The following RTN3 variants were observed in gnomAD, a reference collection of about 807,000 sequenced individuals.
The protein encoded by RTN3 is reticulon-3.
A neutral mutation model predicts 77.8 loss-of-function variants in RTN3; 49 were observed. The observed-to-expected ratio is 0.63, with a 90% confidence interval of 0.50 to 0.80. The LOEUF (loss-of-function observed/expected upper bound fraction) is 0.80, where lower values mean the gene tolerates loss of function less well. Ranked by LOEUF, RTN3 falls within the 30% of genes least tolerant of loss-of-function variation. The probability of loss-of-function intolerance (pLI) is 0.00; values close to 1 mark genes in which losing one functional copy is unlikely to be tolerated. For synonymous variants in RTN3, 464 were observed against 446.9 expected (o/e 1.04, Z -0.48); for missense variants, 1,236 against 1,211.9 (o/e 1.02, Z -0.29).
intron 3 of RTN3, among the ~76,000 whole-genome samples, chr11:63,747,966 G>A (rs2013891783): frequency 6.6e-6 from 1 of 151,994 alleles, no homozygotes; most frequent in Non-Finnish European, 1.5e-5. Context: ...GTGGCTGGGA[G>A]GAAAGTCCTC....
intron 3 of RTN3, among the ~76,000 whole-genome samples, chr11:63,746,615 C>T (rs1393856820): frequency 6.6e-6 from 1 of 151,854 alleles, no homozygotes; most frequent in Non-Finnish European, 1.5e-5. Flanking sequence ...CCCAGGTCCA[C>T]GCCATTCTCC....
At chr11:63,721,574 C>CA (rs768609092) in intron 3 of RTN3, among the ~76,000 whole-genome samples, 937 of 55,152 alleles carry the variant, frequency 0.017, 5 homozygotes, top group African/African-American at 0.034. Context: ...GACTCTGTCT[C>CA]AAAAAAAAAA....
chr11:63,756,420 T>C (rs1322753718), intron 8 of RTN3, among the ~76,000 whole-genome samples: 1 of 152,194 alleles, frequency 6.6e-6, no homozygotes, highest in East Asian at 1.9e-4. Flanking sequence ...ACATCTGTAA[T>C]GCCAGTGCTT....
intron 1 of RTN3, among the ~76,000 whole-genome samples, chr11:63,685,144 A>G (rs1941299268): frequency 6.6e-6 from 1 of 152,124 alleles, no homozygotes; most frequent in Non-Finnish European, 1.5e-5. Flanking sequence ...TGGTGGGCCC[A>G]ATGCAAGATC....
At chr11:63,715,048 A>T (rs762045244) in intron 2 of RTN3, among the ~76,000 whole-genome samples, 11 of 152,178 alleles carry the variant, frequency 7.2e-5, no homozygotes, top group Non-Finnish European at 1.2e-4. Context: ...CTTCCCAGTG[A>T]CATGAATATT....
Position 63,753,102 on chromosome 11 carries a change from G to A in RTN3, c.2911G>A (p.Gly971Ser). The A allele has an allele frequency of 6.2e-7, 1 of 1,614,072 alleles. No individual in the cohort carries two copies. The highest frequency in any genetic ancestry group is 8.5e-7 in the Non-Finnish European group (1 of 1,179,990). Residue 971 changes from glycine to serine, a missense_variant, in exon 6 of 9, where the codon GGT (glycine) becomes AGT (serine). By Grantham distance (56) the Gly-to-Ser change is moderately conservative. This residue lies in a region of RTN3 where 141 missense variants were observed against 154.9 expected (regional missense o/e 0.91). Transcript: ENST00000377819. ...CTTCATGTGGCTGATGACCTATGTT[G>A]GTGCTGTTTTTAACGGAATCACCCT... ...AVFMWLMTYVGAVFNGITLLI... is the reference protein window; with the variant it reads ...AVFMWLMTYVSAVFNGITLLI...
At chr11:63,702,683 T>G (rs901533563) in intron 1 of RTN3, among the ~76,000 whole-genome samples, 1 of 146,760 alleles carries the variant, frequency 6.8e-6, no homozygotes, top group African/African-American at 2.5e-5. Flanking sequence ...TTTGTTTTTT[T>G]GTTTTTTTGT....
intron 1 of RTN3, 57 bp downstream of exon 1, chr11:63,681,835 CT>C (rs1029235328): frequency 1.4e-6 from 2 of 1,462,704 alleles, no homozygotes. Flanking sequence ...AGCCTGGGGG[CT>C]GGGGGGATTA....
chr11:63,729,816 G>T (rs1202039217), intron 3 of RTN3, among the ~76,000 whole-genome samples: 1 of 151,426 alleles, frequency 6.6e-6, no homozygotes, highest in Non-Finnish European at 1.5e-5. Flanking sequence ...TGGAGACAGG[G>T]TCTCGCTCTG....
intron 8 of RTN3, 35 bp downstream of exon 8, chr11:63,756,205 A>C: frequency 7.1e-7 from 1 of 1,412,634 alleles, no homozygotes; most frequent in Non-Finnish European, 1.0e-6. Context: ...ATCATGAGGT[A>C]TGCTTCCTTC....
chr11:63,743,175 ACAGG>A (rs1168746454), intron 3 of RTN3, among the ~76,000 whole-genome samples: 3 of 152,174 alleles, frequency 2.0e-5, no homozygotes, highest in Non-Finnish European at 4.4e-5. Context: ...TGCTGGGATT[ACAGG>A]CATGAGCCAC....
intron 3 of RTN3, among the ~76,000 whole-genome samples, chr11:63,747,429 T>A (rs2013862825): frequency 6.6e-6 from 1 of 152,210 alleles, no homozygotes; most frequent in Admixed American, 6.5e-5. Flanking sequence ...CTGAGTTCCC[T>A]CCCAATTCTT....
chr11:63,693,860 G>C (rs140552282), intron 1 of RTN3, among the ~76,000 whole-genome samples: 1 of 152,204 alleles, frequency 6.6e-6, no homozygotes, highest in Non-Finnish European at 1.5e-5. Context: ...AGTGGCTCAT[G>C]CCTGTAATCT....
chr11:63,687,754 C>T (rs1205803328), intron 1 of RTN3, among the ~76,000 whole-genome samples: 1 of 152,126 alleles, frequency 6.6e-6, no homozygotes, highest in Non-Finnish European at 1.5e-5. Context: ...AAATCCTGAC[C>T]TTTATTAAAT....
At position 63,718,714 on chromosome 11, in the gene RTN3, C is replaced by G. The variant is rs151058657; in HGVS notation, c.212C>G (p.Ser71Cys). Residue 71 changes from serine to cysteine, a missense_variant, in exon 3 of 9, where the codon TCT (serine) becomes TGT (cysteine). By Grantham distance (112) the Ser-to-Cys change is moderately radical. Transcript: ENST00000377819. ...ATTCTGATCATAGAGGGATTGAGCT[C>G]TCTTTGCTCTGATGAGCCATCTTCA... is the stretch of plus-strand genomic sequence containing the variant. Reference protein sequence around the residue: ...LFSTSQEGLSSLCSDEPSSEI... With the variant: ...LFSTSQEGLSCLCSDEPSSEI... 5.0e-6 allele frequency: 8 copies of G among 1,586,030 alleles called. No individual in the cohort carries two copies. In the African/African-American group the frequency reaches 9.6e-5, roughly 19 times the overall value.
intron 1 of RTN3, among the ~76,000 whole-genome samples, chr11:63,687,563 TAG>T: frequency 1.3e-5 from 2 of 150,160 alleles, no homozygotes; most frequent in African/African-American, 4.9e-5. Flanking sequence ...TGAGCCAAGA[TAG>T]CGCCATTGCA....
chr11:63,750,223 A>G, intron 4 of RTN3, 25 bp downstream of exon 4: 1 of 1,584,136 alleles, frequency 6.3e-7, no homozygotes, highest in Non-Finnish European at 8.6e-7. Context: ...TAAAAGCAAC[A>G]TTCTACATTT....
In RTN3 at chr11:63,752,509, C is replaced by A; in HGVS notation, c.2741C>A (p.Ala914Asp). The change falls in exon 5 of 9, where the codon GCC becomes GAC. Residue 914 changes from alanine to aspartate, a missense_variant and splice_region_variant. Ala to Asp is a moderately radical substitution (Grantham distance 126). Around this residue, in one of 3 missense-constraint regions of RTN3, gnomAD observed 141 missense variants for 154.9 expected, o/e 0.91. Transcript: ENST00000377819. Reference protein sequence around the residue: ...QKSEEGHPFKAYLDVDITLSS... With the variant: ...QKSEEGHPFKDYLDVDITLSS... ...ACTGTTATTTCTTCTTCTGGAAGAG[C>A]CTACCTGGACGTAGACATTACTCTG... 1.2e-6 allele frequency: 2 copies of A among 1,612,414 alleles called. No individual in the cohort carries two copies. Among genetic ancestry groups the A allele is most frequent in the Admixed American group, 1.7e-5 (1 of 59,946 alleles).
rs187770778 is a variant in RTN3 at position 63,751,741 on chromosome 11, C to G, written c.2739-766C>G. Among the ~76,000 whole-genome samples the G allele has an allele frequency of 2.8e-4, 43 of 152,242 alleles. No homozygotes were observed. In the East Asian group the frequency reaches 8.3e-3, roughly 29 times the overall value. ...GTGCGGTGACTTACGCATGTAGTCT[C>G]AGCACTTTGGGAAGCTGAGGCAGGC... On this transcript the variant is annotated intron_variant, in intron 4 of 8. Transcript: ENST00000377819.
Sources: allele counts gnomAD v4.1 joint callset (sites outside exome capture counted in the v4.1 genomes callset), GRCh38; gene constraint gnomAD v4.1.1; regional missense constraint gnomAD v4.1.1; transcripts MANE v1.5; gene names NCBI Gene and HGNC (gene_info 2026-07-23, HGNC 2026-07-21).